DLGAP1: variants seen among roughly 807,000 people sequenced by gnomAD.
The protein encoded by DLGAP1 is DLG associated protein 1.
A neutral mutation model predicts 90.8 loss-of-function variants in DLGAP1; 11 were observed. The ratio of observed to expected loss-of-function variants is 0.12; its 90% confidence interval spans 0.08 to 0.20. The LOEUF is 0.20. Among genes scored for constraint, DLGAP1 ranks in the 10% least tolerant of loss-of-function variants. DLGAP1 has a pLI of 1.00. For synonymous variants in DLGAP1, 558 were observed against 540.7 expected (o/e 1.03, Z -0.44); for missense variants, 1,050 against 1,333.8 (o/e 0.79, Z 3.31).
intron 1 of DLGAP1, among the ~76,000 whole-genome samples, chr18:4,193,869 A>G (rs1485582009): frequency 6.6e-6 from 1 of 152,226 alleles, no homozygotes; most frequent in Non-Finnish European, 1.5e-5. Flanking sequence ...AAAATTGTAA[A>G]GGACTTAGAT....
At chr18:4,085,896 T>C (rs1295969992) in intron 2 of DLGAP1, among the ~76,000 whole-genome samples, 1 of 152,232 alleles carries the variant, frequency 6.6e-6, no homozygotes, top group Non-Finnish European at 1.5e-5. Flanking sequence ...TTTTCAATTA[T>C]CTCTATTTTG....
chr18:4,029,216 T>C (rs887450127), intron 2 of DLGAP1, among the ~76,000 whole-genome samples: 5 of 152,240 alleles, frequency 3.3e-5, no homozygotes, highest in Non-Finnish European at 7.3e-5. Flanking sequence ...TGGTATTCCC[T>C]ATGTATATAT....
At chr18:3,527,447 G>A (rs974006792) in intron 10 of DLGAP1, among the ~76,000 whole-genome samples, 5 of 94,020 alleles carry the variant, frequency 5.3e-5, no homozygotes, top group African/African-American at 2.0e-4. Context: ...TGGATGCACT[G>A]TATTTTGAAT....
At chr18:4,403,704 T>G (rs902025873) in intron 1 of DLGAP1, among the ~76,000 whole-genome samples, 1 of 152,196 alleles carries the variant, frequency 6.6e-6, no homozygotes, top group Non-Finnish European at 1.5e-5. Context: ...AAATAATTAT[T>G]TAAAAGGCTG....
At chr18:3,777,027 T>C (rs532870248) in intron 5 of DLGAP1, among the ~76,000 whole-genome samples, 1 of 149,206 alleles carries the variant, frequency 6.7e-6, no homozygotes, top group East Asian at 2.0e-4. Flanking sequence ...TCTCAAGCAA[T>C]CCTCCTGCCT....
At chr18:4,396,374 G>T (rs1378498445) in intron 1 of DLGAP1, among the ~76,000 whole-genome samples, 3 of 152,162 alleles carry the variant, frequency 2.0e-5, no homozygotes, top group Admixed American at 2.0e-4. Context: ...AAGCAACTCT[G>T]CAGTAGAAGT....
rs8084973 is a variant in DLGAP1 at position 4,217,039 on chromosome 18, G to A, written c.-266-65752C>T. ...TCTCCTGTGTTCCATATATCCGTCC[G>A]TCTCTCCCTCTTTCTGAACTCCTGG... is the stretch of plus-strand genomic sequence containing the variant. On this transcript the variant is annotated intron_variant, in intron 1 of 12. Coordinates refer to ENST00000315677, the MANE Select transcript of DLGAP1 (RefSeq NM_004746.4). Among the ~76,000 whole-genome samples, 525 of 151,932 alleles carry A rather than the reference G, an allele frequency of 3.5e-3. 5 individuals are homozygous for A. The highest frequency in any genetic ancestry group is 0.012 in the African/African-American group (497 of 41,466).
At chr18:4,192,687 A>C (rs973588967) in intron 1 of DLGAP1, among the ~76,000 whole-genome samples, 3 of 152,152 alleles carry the variant, frequency 2.0e-5, no homozygotes, top group African/African-American at 7.2e-5. Flanking sequence ...GATCTAGAGG[A>C]AGCAAATTCC....
chr18:4,310,927 C>T (rs529773920), intron 1 of DLGAP1, among the ~76,000 whole-genome samples: 3 of 152,126 alleles, frequency 2.0e-5, no homozygotes, highest in East Asian at 1.9e-4. Flanking sequence ...TACAGAACAC[C>T]GTAGGTGCCT....
intron 1 of DLGAP1, among the ~76,000 whole-genome samples, chr18:4,370,690 G>A (rs919640154): frequency 5.3e-5 from 8 of 152,076 alleles, no homozygotes; most frequent in Non-Finnish European, 1.2e-4. Flanking sequence ...GCGCCCCTAA[G>A]TAAAAGCTTT....
intron 7 of DLGAP1, among the ~76,000 whole-genome samples, chr18:3,635,318 A>T (rs1289274030): frequency 2.0e-5 from 3 of 150,230 alleles, no homozygotes; most frequent in Non-Finnish European, 3.0e-5. Flanking sequence ...TTGTATTTTT[A>T]GTAGAGACGG....
intron 1 of DLGAP1, among the ~76,000 whole-genome samples, chr18:4,309,373 G>A (rs968060319): frequency 6.6e-6 from 1 of 152,182 alleles, no homozygotes; most frequent in Non-Finnish European, 1.5e-5. Flanking sequence ...GTTTTAAAAT[G>A]CTGAGGGAGG....
intron 7 of DLGAP1, among the ~76,000 whole-genome samples, chr18:3,706,051 G>T (rs1367094245): frequency 1.4e-5 from 2 of 147,046 alleles, no homozygotes; most frequent in East Asian, 2.0e-4. Context: ...AGGCTGGATT[G>T]CCCAGGCGCA....
intron 1 of DLGAP1, among the ~76,000 whole-genome samples, chr18:4,390,605 A>G (rs1380668897): frequency 6.6e-6 from 1 of 152,172 alleles, no homozygotes. Context: ...AACGTCATAC[A>G]GTTGGAGTCA....
chr18:3,975,458 G>T (rs1216908936), intron 3 of DLGAP1, among the ~76,000 whole-genome samples: 1 of 152,126 alleles, frequency 6.6e-6, no homozygotes, highest in East Asian at 1.9e-4. Context: ...AGTGAGTGTT[G>T]GCAAAGATGT....
At chr18:4,058,108 T>A (rs1386130354) in intron 2 of DLGAP1, among the ~76,000 whole-genome samples, 1 of 152,058 alleles carries the variant, frequency 6.6e-6, no homozygotes, top group Admixed American at 6.6e-5. Context: ...TGCCTGGGGT[T>A]TCCTCTGCTT....
intron 5 of DLGAP1, among the ~76,000 whole-genome samples, chr18:3,801,475 A>G (rs377173830): frequency 3.8e-4 from 58 of 152,182 alleles, no homozygotes; most frequent in African/African-American, 1.4e-3. Context: ...GAGGCAGGCT[A>G]GTATAGTGGT....
intron 1 of DLGAP1, among the ~76,000 whole-genome samples, chr18:4,199,935 T>C (rs533991698): frequency 4.6e-5 from 7 of 152,342 alleles, no homozygotes; most frequent in African/African-American, 1.4e-4. Context: ...CATTTCAATG[T>C]ATTTTTCACT....
In DLGAP1 at chr18:3,661,571, C is replaced by CTTTTT. The variant is rs10549959; in HGVS notation, c.1591+67559_1591+67563dup. 6.3e-3 allele frequency among the ~76,000 whole-genome samples: 790 copies of CTTTTT among 125,110 alleles called. 17 individuals are homozygous for CTTTTT. Among genetic ancestry groups the CTTTTT allele is most frequent in the African/African-American group, 0.021 (740 of 34,850 alleles). 82.1% of individuals were successfully genotyped at this position (125,110 alleles called of 152,430 possible). On this transcript the variant is annotated intron_variant, in intron 7 of 12. Transcript: ENST00000315677. ...AGGCAGAGGGAAGAAGCTGTAAGGT[C>CTTTTT]TTTTTTTTTTTTTTTTTTTTTTTGA...
Sources: allele counts gnomAD v4.1 joint callset (sites outside exome capture counted in the v4.1 genomes callset), GRCh38; gene constraint gnomAD v4.1.1; transcripts MANE v1.5; gene names NCBI Gene and HGNC (gene_info 2026-07-23, HGNC 2026-07-21).